BABAM2: variants seen among roughly 807,000 people sequenced by gnomAD.
The protein encoded by BABAM2 is BRISC and BRCA1-A complex member 2.
In BABAM2, 31 loss-of-function variants were observed where a neutral mutation model predicts 54.7. That is an observed-to-expected ratio of 0.57 (90% CI 0.43 to 0.77). The LOEUF (loss-of-function observed/expected upper bound fraction) is 0.77. BABAM2 is among the 30% of genes least tolerant of loss of function. The pLI, the probability that BABAM2 is intolerant of heterozygous loss-of-function variation, is 0.00. For synonymous variants in BABAM2, 167 were observed against 162.9 expected, an observed-to-expected ratio of 1.03 and a Z score of -0.19; for missense variants, 364 against 455.8, an observed-to-expected ratio of 0.80 and a Z score of 1.83.
Position 28,322,743 on chromosome 2 carries a change from T to A in BABAM2, c.1089-15707T>A, listed in dbSNP as rs1690127255. Among the ~76,000 whole-genome samples, 1 of 152,250 alleles carries A rather than the reference T, an allele frequency of 6.6e-6. No individual in the cohort carries two copies. The highest frequency in any genetic ancestry group is 1.5e-5 in the Non-Finnish European group (1 of 68,054). On this transcript the variant is annotated intron_variant, in intron 11 of 11. Coordinates refer to ENST00000379624, the MANE Select transcript of BABAM2 (RefSeq NM_199191.3). This position sits in a 1 kb window ranked among gnomAD's most constrained non-coding sequence, Gnocchi z 4.1. ...GGTAGGTGGGAGACCCCCAGCATGT[T>A]GCAGGCCCAGGAAAGCACCCTTCAC...
At chr2:28,162,631 A>C (rs1277391146) in intron 7 of BABAM2, among the ~76,000 whole-genome samples, 1 of 152,078 alleles carries the variant, frequency 6.6e-6, no homozygotes, top group Non-Finnish European at 1.5e-5. Context: ...TTCCCTACCA[A>C]CCAGCCAGGT....
chr2:28,178,579 G>A (rs780413069), intron 7 of BABAM2, among the ~76,000 whole-genome samples: 1 of 151,854 alleles, frequency 6.6e-6, no homozygotes, highest in Non-Finnish European at 1.5e-5. Context: ...ATCTAATGAT[G>A]TACCTCAAGG....
At chr2:28,203,242 T>C (rs1468002883) in intron 7 of BABAM2, among the ~76,000 whole-genome samples, 2 of 152,196 alleles carry the variant, frequency 1.3e-5, no homozygotes, top group African/African-American at 4.8e-5. Context: ...AGAAAAGGAC[T>C]CACTTTACTG....
chr2:28,115,661 TA>T (rs1251979402), intron 6 of BABAM2, among the ~76,000 whole-genome samples: 1 of 150,100 alleles, frequency 6.7e-6, no homozygotes, highest in Non-Finnish European at 1.5e-5. Flanking sequence ...AATAGATAAA[TA>T]AAAAAAAGAG....
intron 10 of BABAM2, among the ~76,000 whole-genome samples, chr2:28,293,265 T>C (rs565901483): frequency 2.3e-4 from 35 of 152,218 alleles, no homozygotes; most frequent in Non-Finnish European, 4.1e-4. Flanking sequence ...CTTTTGGCTA[T>C]TCATTTTTCC....
Position 27,900,859 on chromosome 2 carries a change from C to T in BABAM2, c.128+6175C>T, listed in dbSNP as rs777847204. ...GAGATCGAGGTCATCCTGGCTAACACGGTGAAACCCCGTCTCTACTAAAAA... is the reference window on the plus strand; with the variant it reads ...GAGATCGAGGTCATCCTGGCTAACATGGTGAAACCCCGTCTCTACTAAAAA... On this transcript the variant is annotated intron_variant, in intron 2 of 11. Coordinates refer to ENST00000379624, the MANE Select transcript of BABAM2 (RefSeq NM_199191.3). Among the ~76,000 whole-genome samples the T allele has an allele frequency of 2.2e-4, 34 of 152,026 alleles. No individual in the cohort carries two copies. The Middle Eastern group carries it at 0.01, about 46-fold the overall frequency.
chr2:28,202,305 C>A (rs1340541120), intron 7 of BABAM2, among the ~76,000 whole-genome samples: 4 of 152,138 alleles, frequency 2.6e-5, no homozygotes, highest in Non-Finnish European at 4.4e-5. Flanking sequence ...CAGCTTTGAA[C>A]CCAGCCTCTC....
At position 27,940,157 on chromosome 2, in the gene BABAM2, T is replaced by C. The variant is rs545559818; in HGVS notation, c.205+10249T>C. On this transcript the variant is annotated intron_variant, in intron 3 of 11. Transcript: ENST00000379624. ...AAATGTGAATCTTCAGTGATCAAGA[T>C]TGATTTAAATGAAATACACGTTAAG... Among the ~76,000 whole-genome samples the C allele has an allele frequency of 1.7e-4, 26 of 152,330 alleles. No homozygotes were observed. The South Asian group carries it at 5.0e-3, about 29-fold the overall frequency.
intron 9 of BABAM2, 41 bp from the exon 10 acceptor site, chr2:28,244,738 GA>G: frequency 6.5e-7 from 1 of 1,545,792 alleles, no homozygotes; most frequent in Non-Finnish European, 8.9e-7. Flanking sequence ...TTAATTTTAT[GA>G]GGGTTTTTTT....
At chr2:28,301,070 G>A (rs1427128058) in intron 11 of BABAM2, among the ~76,000 whole-genome samples, 2 of 152,226 alleles carry the variant, frequency 1.3e-5, no homozygotes, top group Non-Finnish European at 1.5e-5. Context: ...GATGGAAAGA[G>A]AGGAGGGTCA....
intron 8 of BABAM2, among the ~76,000 whole-genome samples, chr2:28,237,568 G>A (rs543301100): frequency 3.9e-5 from 6 of 152,086 alleles, no homozygotes; most frequent in East Asian, 1.9e-4. Flanking sequence ...TTTAAGTCAC[G>A]TCTTTCTTGA....
chr2:27,897,932 T>G (rs1265854412), intron 2 of BABAM2, among the ~76,000 whole-genome samples: 2 of 152,204 alleles, frequency 1.3e-5, no homozygotes, highest in Non-Finnish European at 2.9e-5. Flanking sequence ...CTCACTGTAA[T>G]TTTTGGCCTG....
chr2:27,954,725 A>G (rs1669967282), intron 3 of BABAM2, among the ~76,000 whole-genome samples: 1 of 152,208 alleles, frequency 6.6e-6, no homozygotes, highest in Non-Finnish European at 1.5e-5. Flanking sequence ...TCTTTTTGCC[A>G]ACTTTCGTCG....
chr2:27,936,688 T>C (rs976139840), intron 3 of BABAM2, among the ~76,000 whole-genome samples: 10 of 151,816 alleles, frequency 6.6e-5, no homozygotes, highest in Non-Finnish European at 1.5e-4. Context: ...CTCAGTAAAC[T>C]ATCGCAAGGA....
At chr2:28,066,377 G>A (rs980675471) in intron 6 of BABAM2, among the ~76,000 whole-genome samples, 1 of 151,898 alleles carries the variant, frequency 6.6e-6, no homozygotes, top group Non-Finnish European at 1.5e-5. Flanking sequence ...TATTGTTTGG[G>A]AATATTATTA....
intron 7 of BABAM2, among the ~76,000 whole-genome samples, chr2:28,191,190 A>G (rs1288207098): frequency 1.3e-5 from 2 of 152,260 alleles, no homozygotes; most frequent in African/African-American, 2.4e-5. Context: ...ATGCAAATTA[A>G]AGCCACAATG....
At chr2:28,058,407 T>G (rs1006820466) in intron 6 of BABAM2, among the ~76,000 whole-genome samples, 4 of 151,936 alleles carry the variant, frequency 2.6e-5, no homozygotes, top group Non-Finnish European at 5.9e-5. Flanking sequence ...AAACATAATA[T>G]AAAATGATGG....
At chr2:28,332,918 C>T (rs747091288) in intron 11 of BABAM2, among the ~76,000 whole-genome samples, 9 of 152,182 alleles carry the variant, frequency 5.9e-5, no homozygotes, top group Non-Finnish European at 1.3e-4. Context: ...GCCATCTCTG[C>T]CTGCGATTGC....
intron 6 of BABAM2, among the ~76,000 whole-genome samples, chr2:28,094,783 T>G (rs1666455799): frequency 6.6e-6 from 1 of 152,102 alleles, no homozygotes; most frequent in Non-Finnish European, 1.5e-5. Context: ...TGCGAGTATA[T>G]GTTCTCATTT....
Sources: allele counts gnomAD v4.1 joint callset (sites outside exome capture counted in the v4.1 genomes callset), GRCh38; gene constraint gnomAD v4.1.1; non-coding constraint Gnocchi (gnomAD v3.1); transcripts MANE v1.5; gene names NCBI Gene and HGNC (gene_info 2026-07-23, HGNC 2026-07-21).